The following WWOX variants were observed in gnomAD, a reference collection of about 807,000 sequenced individuals.
WWOX encodes WW domain-containing oxidoreductase.
A neutral mutation model predicts 46.2 loss-of-function variants in WWOX; 69 were observed. That is an observed-to-expected ratio of 1.49 (90% CI 1.23 to 1.82). The LOEUF is 1.82. WWOX is among the 40% of genes most tolerant of loss of function. The pLI, the probability that WWOX is intolerant of heterozygous loss-of-function variation, is 0.00. For missense variants in WWOX, 919 were observed against 542.6 expected (o/e 1.69, Z -6.89); for synonymous variants, 359 against 202.6 (o/e 1.77, Z -6.56).
At chr16:78,234,405 G>A (rs1053233088) in intron 5 of WWOX, among the ~76,000 whole-genome samples, 1 of 152,012 alleles carries the variant, frequency 6.6e-6, no homozygotes, top group East Asian at 1.9e-4. Context: ...AAGTTCATAT[G>A]TGTGTGTGTA....
chr16:78,565,890 T>G (rs2044552465), intron 8 of WWOX, among the ~76,000 whole-genome samples: 1 of 146,912 alleles, frequency 6.8e-6, no homozygotes, highest in Non-Finnish European at 1.5e-5. Flanking sequence ...ACCATCACAT[T>G]TTTCATCCCC....
chr16:79,196,517 T>A (rs1567610884), intron 8 of WWOX: 1 of 152,100 alleles, frequency 6.6e-6, no homozygotes, highest in Non-Finnish European at 1.5e-5. Flanking sequence ...AAATGCTGAG[T>A]CTATTCGGAC....
At chr16:78,108,801 A>G (rs915318255) in intron 2 of WWOX, among the ~76,000 whole-genome samples, 14 of 152,362 alleles carry the variant, frequency 9.2e-5, no homozygotes, top group East Asian at 3.9e-4. Context: ...TAGCCTGGCC[A>G]ACATGTTGAA....
intron 5 of WWOX, among the ~76,000 whole-genome samples, chr16:78,230,439 C>T (rs953702311): frequency 6.6e-6 from 1 of 152,112 alleles, no homozygotes; most frequent in Non-Finnish European, 1.5e-5. Context: ...TGCAGCCAGC[C>T]TGGGAAAGCA....
chr16:79,119,370 C>G (rs922387489), intron 8 of WWOX, among the ~76,000 whole-genome samples: 2 of 152,170 alleles, frequency 1.3e-5, no homozygotes, highest in African/African-American at 2.4e-5. Context: ...TAATGGATGA[C>G]AAGTGGATAC....
chr16:78,563,430 A>C (rs764640816), intron 8 of WWOX, among the ~76,000 whole-genome samples: 6 of 151,916 alleles, frequency 3.9e-5, no homozygotes, highest in Non-Finnish European at 8.8e-5. Flanking sequence ...GAACAATAAC[A>C]ACGTAGGAGG....
chr16:79,148,383 G>T lies in WWOX; in HGVS notation c.1057-63225G>T, dbSNP rs550986217. On this transcript the variant is annotated intron_variant, in intron 8 of 8. Coordinates refer to ENST00000566780, the MANE Select transcript of WWOX (RefSeq NM_016373.4). ...TATTCAAAATGAATTGAGCATGTTT[G>T]TGTGGGTATCTTTCTGGCTTCTTTA... Among the ~76,000 whole-genome samples, 6 of 152,230 alleles carry T rather than the reference G, an allele frequency of 3.9e-5. No individual in the cohort carries two copies. The South Asian group carries it at 1.2e-3, about 32-fold the overall frequency.
intron 8 of WWOX, among the ~76,000 whole-genome samples, chr16:79,175,201 C>T (rs943858536): frequency 1.3e-5 from 2 of 152,170 alleles, no homozygotes; most frequent in Admixed American, 6.5e-5. Context: ...ATTCTAGTTG[C>T]TTGAATTGAA....
intron 8 of WWOX, among the ~76,000 whole-genome samples, chr16:78,820,049 C>A (rs567893496): frequency 4.1e-4 from 63 of 152,266 alleles, no homozygotes; most frequent in African/African-American, 1.4e-3. Context: ...ATTGTTCTTA[C>A]TATTTACCTC....
intron 8 of WWOX, among the ~76,000 whole-genome samples, chr16:78,473,242 G>C (rs1640343902): frequency 6.6e-6 from 1 of 152,110 alleles, no homozygotes; most frequent in Admixed American, 6.6e-5. Flanking sequence ...CGATTGTCCT[G>C]CCTCAGCCTC....
chr16:78,437,718 A>C (rs1316030064), intron 8 of WWOX, among the ~76,000 whole-genome samples: 1 of 152,230 alleles, frequency 6.6e-6, no homozygotes, highest in East Asian at 1.9e-4. Flanking sequence ...TGTCGTTCTA[A>C]AAAAGATGCA....
At chr16:79,063,973 T>A (rs78140722) in intron 8 of WWOX, among the ~76,000 whole-genome samples, 1 of 152,212 alleles carries the variant, frequency 6.6e-6, no homozygotes, top group South Asian at 2.1e-4. Flanking sequence ...CCCCAGATTT[T>A]CCTGGAGATG....
intron 5 of WWOX, among the ~76,000 whole-genome samples, chr16:78,210,336 T>A (rs1023852693): frequency 6.6e-6 from 1 of 152,150 alleles, no homozygotes; most frequent in African/African-American, 2.4e-5. Flanking sequence ...CCACTGAGGA[T>A]TTTTAATGCC....
In WWOX at chr16:78,839,206, C is replaced by T. The variant is rs1418059842; in HGVS notation, c.1057-372402C>T. Among the ~76,000 whole-genome samples the T allele has an allele frequency of 4.6e-5, 7 of 152,128 alleles. No individual in the cohort carries two copies. In the South Asian group the frequency reaches 6.2e-4, roughly 14 times the overall value. On this transcript the variant is annotated intron_variant, in intron 8 of 8. Transcript: ENST00000566780. ...TCAACAAGTAAATTCAAATCACCCA[C>T]GAGCCCACCACCCAGAGAGAGTCAC...
chr16:78,829,604 G>C (rs1287185356), intron 8 of WWOX, among the ~76,000 whole-genome samples: 2 of 152,158 alleles, frequency 1.3e-5, no homozygotes, highest in East Asian at 3.9e-4. Context: ...CTGTGTCCAA[G>C]GCACATATAG....
At chr16:79,053,349 A>T (rs556454923) in intron 8 of WWOX, among the ~76,000 whole-genome samples, 1 of 152,224 alleles carries the variant, frequency 6.6e-6, no homozygotes, top group African/African-American at 2.4e-5. Flanking sequence ...CATCCCAGCA[A>T]CGTGGCCCTG....
At chr16:78,829,645 C>T (rs1290737763) in intron 8 of WWOX, among the ~76,000 whole-genome samples, 1 of 152,090 alleles carries the variant, frequency 6.6e-6, no homozygotes, top group African/African-American at 2.4e-5. Context: ...TTAGCCTGTA[C>T]TAGGTTCTGT....
intron 6 of WWOX, among the ~76,000 whole-genome samples, chr16:78,403,750 G>C (rs112775246): frequency 6.6e-6 from 1 of 152,250 alleles, no homozygotes; most frequent in Non-Finnish European, 1.5e-5. Context: ...AAAGTTTTCA[G>C]TTGTAAGAGT....
chr16:79,007,948 T>C (rs1374927250), intron 8 of WWOX, among the ~76,000 whole-genome samples: 1 of 152,240 alleles, frequency 6.6e-6, no homozygotes, highest in Non-Finnish European at 1.5e-5. Flanking sequence ...AGCTATCTCT[T>C]GCTGTGTAAG....
Sources: gnomAD v4.1 joint callset for allele counts (sites outside exome capture counted in the v4.1 genomes callset) on GRCh38, gnomAD v4.1.1 for gene constraint, MANE v1.5 for transcripts, NCBI Gene and HGNC (gene_info 2026-07-23, HGNC 2026-07-21) for gene names.